Variants in PIK3C3 observed in about 807,000 individuals in gnomAD.
The protein encoded by PIK3C3 is phosphatidylinositol 3-kinase catalytic subunit type 3, also known as PI3-kinase type 3.
PIK3C3 carries 95 observed loss-of-function variants against 126.1 expected under a neutral mutation model. The observed-to-expected ratio is 0.75, with a 90% CI of 0.64 to 0.89. PIK3C3 has a LOEUF of 0.89. PIK3C3 is among the 40% of genes least tolerant of loss of function. The pLI is 0.00. For missense variants in PIK3C3, 829 were observed against 1,063.2 expected (o/e 0.78, Z 3.06); for synonymous variants, 374 against 360.0 (o/e 1.04, Z -0.44).
chr18:42,057,981 G>T lies in PIK3C3; in HGVS notation c.2362G>T (p.Gly788Trp). ...GAATAAAGAAATGGTAGAAGGAATGGGGGGCACACAGAGTGAGCAGTACCA... is the reference window on the plus strand; with the variant it reads ...GAATAAAGAAATGGTAGAAGGAATGTGGGGCACACAGAGTGAGCAGTACCA... ...KLNKEMVEGM[G>W]GTQSEQYQEF... Residue 788 changes from glycine (G) to tryptophan (W), a missense_variant, in exon 22 of 25, where the codon GGG becomes TGG. Around this residue, in one of 4 missense-constraint regions of PIK3C3, gnomAD observed 196 missense variants for 312.8 expected, o/e 0.63. Coordinates refer to ENST00000262039, the MANE Select transcript of PIK3C3 (RefSeq NM_002647.4). The T allele has an allele frequency of 6.2e-7, 1 of 1,613,362 alleles. No individual in the cohort carries two copies. The highest frequency in any genetic ancestry group is 8.5e-7 in the Non-Finnish European group (1 of 1,179,628).
Position 42,004,457 on chromosome 18 carries a change from C to T in PIK3C3, c.1086C>T (p.Asp362=), listed in dbSNP as rs938064680. 1.9e-6 allele frequency: 3 copies of T among 1,613,722 alleles called. No homozygotes were observed. The East Asian group carries it at 6.7e-5, about 36-fold the overall frequency. The change falls in exon 10 of 25, where the codon GAC becomes GAT. Residue 362 remains aspartate (D), a synonymous_variant. Coordinates refer to ENST00000262039, the MANE Select transcript of PIK3C3 (RefSeq NM_002647.4). The part of the protein sequence containing the change: ...LGKWKPMDVE[D]SLELLSSHYT... ...AATGGAAGCCGATGGATGTAGAGGA[C>T]TCCTTGGAGCTGTTATCCTCTCATT...
intron 20 of PIK3C3, among the ~76,000 whole-genome samples, chr18:42,047,652 C>G (rs764741075): frequency 1.3e-4 from 20 of 152,132 alleles, no homozygotes; most frequent in Non-Finnish European, 2.8e-4. Flanking sequence ...TCAGGTGATT[C>G]TTATGTTCAT....
rs1411538359 is a variant in PIK3C3 at position 42,037,968 on chromosome 18, AT to A, written c.1968+151del. 9.2e-5 allele frequency: 61 copies of A among 666,204 alleles called. No homozygotes were observed. The African/African-American group carries it at 9.9e-4, about 11-fold the overall frequency. 41.3% of individuals were successfully genotyped at this position (666,204 alleles called of 1,614,324 possible). A position where few individuals can be genotyped will look rare whatever the true frequency, so the allele number is the denominator to read the frequency against. On this transcript the variant is annotated intron_variant, in intron 17 of 24. Transcript: ENST00000262039. ...ACAGTCTCCACTTGACCTTGAAAAAATTTAGTTGCTTTTATATACTTCAGAA... is the reference window on the plus strand; with the variant it reads ...ACAGTCTCCACTTGACCTTGAAAAAATTAGTTGCTTTTATATACTTCAGAA...
chr18:42,045,447 C>G (rs1233774522), intron 20 of PIK3C3, among the ~76,000 whole-genome samples: 1 of 152,158 alleles, frequency 6.6e-6, no homozygotes, highest in African/African-American at 2.4e-5. Context: ...GGCTGAACAT[C>G]CAAGATGGAT....
At chr18:42,080,817 A>G in intron 24 of PIK3C3, among the ~76,000 whole-genome samples, 1 of 152,110 alleles carries the variant, frequency 6.6e-6, no homozygotes, top group Non-Finnish European at 1.5e-5. Flanking sequence ...AATTCAGTGG[A>G]ATTTTTGCCT....
At chr18:41,970,233 A>G (rs1287523187) in intron 3 of PIK3C3, 94 bp from the exon 4 acceptor site, 8 of 1,033,996 alleles carry the variant, frequency 7.7e-6, no homozygotes, top group Non-Finnish European at 1.2e-5. Flanking sequence ...ATACATTTCC[A>G]TGTATAGAAT....
At chr18:42,080,368 GCA>G (rs143591651) in intron 24 of PIK3C3, among the ~76,000 whole-genome samples, 71 of 151,936 alleles carry the variant, frequency 4.7e-4, no homozygotes, top group East Asian at 4.3e-3. Flanking sequence ...ACATGCATGT[GCA>G]CACACACACA....
chr18:42,013,812 C>G (rs757967676), intron 11 of PIK3C3, among the ~76,000 whole-genome samples: 1 of 151,918 alleles, frequency 6.6e-6, no homozygotes. Context: ...AGTTAAAAAT[C>G]TTGACTCTGC....
intron 24 of PIK3C3, among the ~76,000 whole-genome samples, chr18:42,073,522 C>T (rs1188652959): frequency 6.6e-6 from 1 of 152,162 alleles, no homozygotes; most frequent in Non-Finnish European, 1.5e-5. Flanking sequence ...TGGCATCTTA[C>T]TACGCTGAAG....
At chr18:42,011,404 A>C (rs1982820845) in intron 10 of PIK3C3, among the ~76,000 whole-genome samples, 1 of 152,170 alleles carries the variant, frequency 6.6e-6, no homozygotes, top group African/African-American at 2.4e-5. Flanking sequence ...ATGTTATGGA[A>C]ATGACTTCTG....
At chr18:42,062,383 A>C (rs1298104026) in intron 22 of PIK3C3, among the ~76,000 whole-genome samples, 6 of 151,962 alleles carry the variant, frequency 3.9e-5, no homozygotes, top group Non-Finnish European at 4.4e-5. Flanking sequence ...GTGGCCCAGG[A>C]CAGCTTAGAA....
intron 24 of PIK3C3, among the ~76,000 whole-genome samples, chr18:42,077,943 A>T (rs1053659067): frequency 5.3e-5 from 8 of 152,216 alleles, no homozygotes; most frequent in Non-Finnish European, 8.8e-5. Context: ...TGTAGAATGG[A>T]TGTTGAATTA....
intron 13 of PIK3C3, 105 bp downstream of exon 13, chr18:42,020,810 CA>C (rs1171361003): frequency 1.5e-6 from 1 of 669,222 alleles, no homozygotes; most frequent in East Asian, 2.8e-5. Flanking sequence ...GAGCAATCAT[CA>C]AAAGTCTAGA....
chr18:41,996,122 T>C (rs892321123), intron 8 of PIK3C3, 128 bp downstream of exon 8: 1 of 662,818 alleles, frequency 1.5e-6, no homozygotes, highest in Non-Finnish European at 2.7e-6. Flanking sequence ...TCCTACATCA[T>C]GTTCATAATT....
At position 42,037,713 on chromosome 18, in the gene PIK3C3, T is replaced by C. The variant is rs1268447305; in HGVS notation, c.1861T>C (p.Leu621=). 2 of 1,612,232 alleles carry C rather than the reference T, an allele frequency of 1.2e-6. No homozygotes were observed. Among genetic ancestry groups the C allele is most frequent in the Admixed American group, 3.3e-5 (2 of 59,908 alleles). Residue 621 remains leucine (L), a synonymous_variant, in exon 17 of 25, where the codon TTG becomes CTG. Coordinates refer to ENST00000262039, the MANE Select transcript of PIK3C3 (RefSeq NM_002647.4). ...CCAGAGTGCCCTTATGCCTGCACAGTTGTTTTTTAAGACGGAAGATGGAGG... is the reference window on the plus strand; with the variant it reads ...CCAGAGTGCCCTTATGCCTGCACAGCTGTTTTTTAAGACGGAAGATGGAGG... ...LFKSALMPAQ[L]FFKTEDGGKY... is the part of the protein sequence containing the mutation.
chr18:42,061,693 T>C (rs1474992998), intron 22 of PIK3C3, among the ~76,000 whole-genome samples: 2 of 152,172 alleles, frequency 1.3e-5, no homozygotes, highest in Non-Finnish European at 2.9e-5. Context: ...AATGGAAAAT[T>C]CAGGTTAATG....
chr18:41,989,749 C>G (rs1434771533), intron 5 of PIK3C3, among the ~76,000 whole-genome samples: 1 of 152,088 alleles, frequency 6.6e-6, no homozygotes, highest in African/African-American at 2.4e-5. Flanking sequence ...GATGTTTACA[C>G]GACTAAATTG....
rs1342807803 is a variant in PIK3C3 at position 42,040,749 on chromosome 18, A to G, written c.2103+8A>G. On this transcript the variant is annotated splice_region_variant and intron_variant, in intron 19 of 24. Coordinates refer to ENST00000262039, the MANE Select transcript of PIK3C3 (RefSeq NM_002647.4). ...ACAGAGGGAAGCATTCAGGTATGGT[A>G]TCAATAAAGATTATGCAATTCATGA... is the stretch of plus-strand genomic sequence containing the variant. 1 of 1,557,544 alleles carries G rather than the reference A, an allele frequency of 6.4e-7. No individual in the cohort carries two copies. Among genetic ancestry groups the G allele is most frequent in the South Asian group, 1.1e-5 (1 of 88,718 alleles).
At chr18:42,046,339 G>A (rs947810644) in intron 20 of PIK3C3, among the ~76,000 whole-genome samples, 2 of 152,036 alleles carry the variant, frequency 1.3e-5, no homozygotes, top group African/African-American at 4.8e-5. Context: ...GAAAAAAATT[G>A]ATAATAGTTT....
Sources: gnomAD v4.1 joint callset for allele counts (sites outside exome capture counted in the v4.1 genomes callset) on GRCh38, gnomAD v4.1.1 for gene constraint, gnomAD v4.1.1 regional missense constraint, MANE v1.5 for transcripts, NCBI Gene and HGNC (gene_info 2026-07-23, HGNC 2026-07-21) for gene names.